The following KLF7 variants were observed in gnomAD, a reference collection of about 807,000 sequenced individuals.
KLF7 encodes KLF transcription factor 7.
In KLF7, 2 loss-of-function variants were observed where a neutral mutation model predicts 27.3. The observed-to-expected ratio is 0.07, with a 90% CI of 0.03 to 0.23. The LOEUF (loss-of-function observed/expected upper bound fraction) is 0.23, where lower values mean the gene tolerates loss of function less well. Ranked by LOEUF, KLF7 falls within the 10% of genes least tolerant of loss-of-function variation. The pLI, the probability that KLF7 is intolerant of heterozygous loss-of-function variation, is 1.00. For synonymous variants in KLF7, 165 were observed against 162.4 expected (o/e 1.02, Z -0.12); for missense variants, 221 against 394.1 (o/e 0.56, Z 3.72).
At position 207,165,713 on chromosome 2, in the gene KLF7, AG is replaced by A; in HGVS notation, c.-146del. ...TTTGTTTTGTTTCAGTCAACTAAAA[AG>A]GAAAAAAAAAAATCAATGCAGGAGA... On this transcript the variant is annotated 5_prime_UTR_variant, in exon 1 of 4. It removes the in-frame stop codon of an upstream open reading frame in the 5' UTR. Coordinates refer to ENST00000309446, the MANE Select transcript of KLF7 (RefSeq NM_003709.4). The A allele has an allele frequency of 6.8e-7, 1 of 1,469,230 alleles. No homozygotes were observed. The highest frequency in any genetic ancestry group is 2.6e-5 in the Admixed American group (1 of 38,020). 91.0% of individuals were successfully genotyped at this position (1,469,230 alleles called of 1,614,324 possible).
chr2:207,131,970 G>A (rs952477843), intron 1 of KLF7, among the ~76,000 whole-genome samples: 6 of 152,166 alleles, frequency 3.9e-5, no homozygotes, highest in Non-Finnish European at 7.4e-5. Flanking sequence ...AATCTACCTC[G>A]TGGCAGAAAG....
At chr2:207,149,324 G>T in intron 1 of KLF7, 1 of 363,926 alleles carries the variant, frequency 2.7e-6, no homozygotes, top group Non-Finnish European at 5.1e-6. Flanking sequence ...ACTTATCACT[G>T]CTGAGGTTCA....
At chr2:207,097,247 G>C (rs1015932106) in intron 2 of KLF7, among the ~76,000 whole-genome samples, 1 of 151,778 alleles carries the variant, frequency 6.6e-6, no homozygotes, top group Non-Finnish European at 1.5e-5. Context: ...TCTTAACTGT[G>C]TGGGGAAGGA....
At chr2:207,148,517 A>C (rs2106094723) in intron 1 of KLF7, among the ~76,000 whole-genome samples, 1 of 152,346 alleles carries the variant, frequency 6.6e-6, no homozygotes, top group Non-Finnish European at 1.5e-5. Context: ...GATAGTAATG[A>C]GCAAAAATCC....
chr2:207,118,407 AC>A (rs1332297754), intron 2 of KLF7, among the ~76,000 whole-genome samples: 1 of 152,138 alleles, frequency 6.6e-6, no homozygotes, highest in Admixed American at 6.5e-5. Context: ...ATGTTTAAGG[AC>A]CCTCCTAATT....
In KLF7 at chr2:207,076,738, C is replaced by G. The variant is rs968105663; in HGVS notation, c.*4475G>C. 6.6e-6 allele frequency: 1 copy of G among 152,194 alleles called. No homozygotes were observed. Among genetic ancestry groups the G allele is most frequent in the Non-Finnish European group, 1.5e-5 (1 of 68,046 alleles). The allele number at this position is 152,194 out of a possible 1,614,324, so 9.4% of individuals were successfully genotyped here. On this transcript the variant is annotated 3_prime_UTR_variant, in exon 4 of 4. Coordinates refer to ENST00000309446, the MANE Select transcript of KLF7 (RefSeq NM_003709.4). ...TACTCAGGATAGGCCCTCTAGTTTT[C>G]AAACTGAGATATCACCATGTTCACC...
At chr2:207,162,079 CAT>C (rs759518755) in intron 1 of KLF7, among the ~76,000 whole-genome samples, 13 of 152,124 alleles carry the variant, frequency 8.5e-5, no homozygotes, top group Non-Finnish European at 1.8e-4. Context: ...AGAGATAAAA[CAT>C]ATAAAAGTTC....
chr2:207,171,688 T>C (rs1298654713), upstream of KLF7, among the ~76,000 whole-genome samples: 1 of 152,230 alleles, frequency 6.6e-6, no homozygotes, highest in Non-Finnish European at 1.5e-5. Flanking sequence ...TAGTTACCAA[T>C]TTTTAGTAGC....
At chr2:207,111,343 C>T (rs1029417064) in intron 2 of KLF7, among the ~76,000 whole-genome samples, 1 of 152,172 alleles carries the variant, frequency 6.6e-6, no homozygotes, top group Non-Finnish European at 1.5e-5. Flanking sequence ...TCTCCCAGTG[C>T]GCACAGGCCA....
At chr2:207,086,230 T>C (rs947803282) in intron 3 of KLF7, among the ~76,000 whole-genome samples, 1 of 152,198 alleles carries the variant, frequency 6.6e-6, no homozygotes, top group Admixed American at 6.5e-5. Context: ...CCTCTGTTTC[T>C]GAAGGTAAAC....
chr2:207,095,176 T>C (rs1239804810), intron 2 of KLF7, among the ~76,000 whole-genome samples: 2 of 151,442 alleles, frequency 1.3e-5, no homozygotes, highest in African/African-American at 4.9e-5. Context: ...AAGTACCGAG[T>C]AGCTGGGACT....
intron 1 of KLF7, among the ~76,000 whole-genome samples, chr2:207,135,352 T>C (rs1461650305): frequency 2.6e-5 from 4 of 151,878 alleles, no homozygotes; most frequent in South Asian, 4.2e-4. Context: ...TGGAAGAAAG[T>C]GGTCTTTGAA....
At chr2:207,117,989 C>T (rs968269957) in intron 2 of KLF7, among the ~76,000 whole-genome samples, 2 of 152,180 alleles carry the variant, frequency 1.3e-5, no homozygotes, top group Non-Finnish European at 2.9e-5. Context: ...CACTTAATAC[C>T]TGTTCGCAGA....
intron 3 of KLF7, among the ~76,000 whole-genome samples, chr2:207,087,019 G>T (rs977581221): frequency 6.6e-6 from 1 of 152,232 alleles, no homozygotes; most frequent in African/African-American, 2.4e-5. Flanking sequence ...ACTTGAGATG[G>T]AAATAGAAGG....
intron 2 of KLF7, among the ~76,000 whole-genome samples, chr2:207,112,747 T>C (rs1297299668): frequency 6.6e-6 from 1 of 152,256 alleles, no homozygotes; most frequent in Admixed American, 6.5e-5. Context: ...ATTTCAATAA[T>C]GATGAAACGG....
intron 1 of KLF7, among the ~76,000 whole-genome samples, chr2:207,136,077 G>A (rs1481168910): frequency 6.6e-6 from 1 of 152,160 alleles, no homozygotes; most frequent in African/African-American, 2.4e-5. Context: ...TTGGTGAAAA[G>A]AACTCTGGCC....
chr2:207,131,034 G>A (rs1052509563), intron 1 of KLF7, among the ~76,000 whole-genome samples: 2 of 152,168 alleles, frequency 1.3e-5, no homozygotes, highest in African/African-American at 4.8e-5. Flanking sequence ...AAAGGGCCAA[G>A]AGTTAAAAGT....
chr2:207,171,144 T>C (rs565107370), upstream of KLF7, among the ~76,000 whole-genome samples: 1 of 151,454 alleles, frequency 6.6e-6, no homozygotes, highest in Admixed American at 6.6e-5. Flanking sequence ...CCAACCCTTC[T>C]GGGTGACTTT....
At chr2:207,084,259 C>CCCTTT (rs956952774) in intron 3 of KLF7, among the ~76,000 whole-genome samples, 1 of 152,030 alleles carries the variant, frequency 6.6e-6, no homozygotes, top group East Asian at 1.9e-4. Context: ...AGTGGGAAAC[C>CCCTTT]CCTTTCCTTT....
Sources: allele counts gnomAD v4.1 joint callset (sites outside exome capture counted in the v4.1 genomes callset), GRCh38; gene constraint gnomAD v4.1.1; transcripts MANE v1.5; gene names NCBI Gene and HGNC (gene_info 2026-07-23, HGNC 2026-07-21).